The following SHISA9 variants were observed in gnomAD, a reference collection of about 807,000 sequenced individuals.
The protein encoded by SHISA9 is protein shisa-9.
Under a neutral mutation model 38.0 loss-of-function variants are expected in SHISA9, and 13 were observed. The ratio of observed to expected loss-of-function variants is 0.34; its 90% CI spans 0.22 to 0.54. The LOEUF (loss-of-function observed/expected upper bound fraction) is 0.54, where lower values mean the gene tolerates loss of function less well. Ranked by LOEUF, SHISA9 falls within the 20% of genes least tolerant of loss-of-function variation. SHISA9 has a pLI of 0.91. For synonymous variants in SHISA9, 275 were observed against 242.0 expected, an observed-to-expected ratio of 1.14 and a Z score of -1.27; for missense variants, 538 against 575.8, an observed-to-expected ratio of 0.93 and a Z score of 0.67.
At chr16:13,456,427 A>G in the SHISA9 span, among the ~76,000 whole-genome samples, 3 of 152,260 alleles carry the variant, frequency 2.0e-5, no homozygotes, top group Admixed American at 1.3e-4. Context: ...ACCTAGTACA[A>G]TATTTTGGAC....
chr16:13,102,094 C>T (rs562829527), intron 2 of SHISA9, among the ~76,000 whole-genome samples: 10 of 152,304 alleles, frequency 6.6e-5, no homozygotes, highest in Non-Finnish European at 1.2e-4. Context: ...CCCCTCCCTC[C>T]CTGAGGCTTT....
chr16:12,932,976 C>A (rs564216076), intron 2 of SHISA9, among the ~76,000 whole-genome samples: 2 of 152,062 alleles, frequency 1.3e-5, no homozygotes, highest in East Asian at 3.9e-4. Flanking sequence ...TAATAAAAGT[C>A]CCTCAAAGGA....
the SHISA9 span, among the ~76,000 whole-genome samples, chr16:13,280,141 G>A: frequency 1.5e-5 from 1 of 66,168 alleles, no homozygotes; most frequent in Non-Finnish European, 3.0e-5. Context: ...TTTTTTTTTG[G>A]TTAGCTTGGC....
the SHISA9 span, among the ~76,000 whole-genome samples, chr16:13,260,229 G>T: frequency 5.3e-5 from 8 of 151,742 alleles, no homozygotes; most frequent in Admixed American, 4.6e-4. Flanking sequence ...TGTTGGCCAG[G>T]ATGGTCTTGA....
At chr16:13,221,389 C>G (rs2051223696) in intron 4 of SHISA9, among the ~76,000 whole-genome samples, 1 of 150,780 alleles carries the variant, frequency 6.6e-6, no homozygotes. Context: ...CCTCTGGAAT[C>G]TGCACAACTT....
chr16:13,251,851 G>C, the SHISA9 span, among the ~76,000 whole-genome samples: 1 of 152,168 alleles, frequency 6.6e-6, no homozygotes, highest in Non-Finnish European at 1.5e-5. Context: ...TCCAGGTCTA[G>C]GATGGTCATC....
At chr16:12,992,811 G>T (rs1302598019) in intron 2 of SHISA9, among the ~76,000 whole-genome samples, 3 of 152,202 alleles carry the variant, frequency 2.0e-5, no homozygotes, top group Non-Finnish European at 4.4e-5. Context: ...GCATTACAGG[G>T]ATGGTAACAT....
intron 2 of SHISA9, among the ~76,000 whole-genome samples, chr16:13,037,020 C>T (rs1325282887): frequency 1.3e-5 from 2 of 151,136 alleles, no homozygotes; most frequent in African/African-American, 4.9e-5. Flanking sequence ...GCATTGTTCT[C>T]AATGTAATTT....
intron 2 of SHISA9, among the ~76,000 whole-genome samples, chr16:13,055,769 A>G (rs1312247151): frequency 6.6e-6 from 1 of 152,222 alleles, no homozygotes; most frequent in Non-Finnish European, 1.5e-5. Flanking sequence ...AGAATTACTG[A>G]GGATGCAGCA....
chr16:13,124,541 G>T (rs940165456), intron 2 of SHISA9, among the ~76,000 whole-genome samples: 8 of 152,134 alleles, frequency 5.3e-5, no homozygotes, highest in Non-Finnish European at 1.2e-4. Context: ...GACTCTGTGT[G>T]CCCCAGACAG....
At chr16:13,189,503 A>C (rs1472064118) in intron 2 of SHISA9, among the ~76,000 whole-genome samples, 1 of 152,228 alleles carries the variant, frequency 6.6e-6, no homozygotes, top group South Asian at 2.1e-4. Context: ...TCTTTGTAAA[A>C]TAGAATTGTT....
chr16:13,370,058 C>T, the SHISA9 span, among the ~76,000 whole-genome samples: 3 of 152,072 alleles, frequency 2.0e-5, no homozygotes, highest in African/African-American at 7.2e-5. Context: ...ACCTGTAAAG[C>T]AATTGAAATA....
chr16:13,190,491 T>C (rs1263724746), intron 2 of SHISA9, among the ~76,000 whole-genome samples: 1 of 152,220 alleles, frequency 6.6e-6, no homozygotes, highest in Non-Finnish European at 1.5e-5. Context: ...CTCTTCTTTT[T>C]GCTGCCTTTG....
chr16:13,220,636 T>C (rs1232077331), intron 4 of SHISA9, among the ~76,000 whole-genome samples: 3 of 152,092 alleles, frequency 2.0e-5, no homozygotes, highest in African/African-American at 7.2e-5. Context: ...GGGAGGATGA[T>C]TGGAAGACAG....
chr16:13,289,176 C>G, the SHISA9 span, among the ~76,000 whole-genome samples: 1 of 152,104 alleles, frequency 6.6e-6, no homozygotes, highest in Non-Finnish European at 1.5e-5. Flanking sequence ...CTTTCCTAGC[C>G]CACCCTCCTC....
intron 2 of SHISA9, among the ~76,000 whole-genome samples, chr16:13,085,596 A>G (rs2073701732): frequency 6.6e-6 from 1 of 152,188 alleles, no homozygotes; most frequent in African/African-American, 2.4e-5. Context: ...CAAGGCTGAT[A>G]AAAGAAAATC....
At chr16:13,390,462 TC>T in the SHISA9 span, among the ~76,000 whole-genome samples, 1 of 152,216 alleles carries the variant, frequency 6.6e-6, no homozygotes, top group Non-Finnish European at 1.5e-5. Context: ...CCTCTGTGTT[TC>T]TATACTTTGT....
the SHISA9 span, among the ~76,000 whole-genome samples, chr16:13,337,761 T>G: frequency 6.6e-6 from 1 of 152,122 alleles, no homozygotes; most frequent in South Asian, 2.1e-4. Context: ...GGGGGCAGAC[T>G]TCCCCCTGCT....
At chr16:13,320,419 A>T in the SHISA9 span, among the ~76,000 whole-genome samples, 1 of 151,116 alleles carries the variant, frequency 6.6e-6, no homozygotes. Context: ...AAGTTATCTC[A>T]CCTTTCTAAA....
Sources: gnomAD v4.1 joint callset for allele counts (sites outside exome capture counted in the v4.1 genomes callset) on GRCh38, gnomAD v4.1.1 for gene constraint, MANE v1.5 for transcripts, NCBI Gene and HGNC (gene_info 2026-07-23, HGNC 2026-07-21) for gene names.